Variants in PAX3 observed in about 807,000 individuals in gnomAD.
PAX3 encodes the protein paired box 3, also known as paired box protein Pax-3.
PAX3 carries 14 observed loss-of-function variants against 51.6 expected under a neutral mutation model. That is an observed-to-expected ratio of 0.27 (90% CI 0.18 to 0.42). PAX3 has a LOEUF of 0.42. Ranked by LOEUF, PAX3 falls within the 10% of genes least tolerant of loss-of-function variation. The pLI, the probability that PAX3 is intolerant of heterozygous loss-of-function variation, is 1.00. For synonymous variants in PAX3, 280 were observed against 253.4 expected, an observed-to-expected ratio of 1.11 and a Z score of -1.00; for missense variants, 540 against 642.8, an observed-to-expected ratio of 0.84 and a Z score of 1.73.
intron 5 of PAX3, among the ~76,000 whole-genome samples, chr2:222,224,564 T>C (rs1692314926): frequency 6.6e-6 from 1 of 152,222 alleles, no homozygotes; most frequent in South Asian, 2.1e-4. Context: ...AGACAAATTT[T>C]CTATTTTTAG....
intron 4 of PAX3, among the ~76,000 whole-genome samples, chr2:222,259,817 T>C (rs1185502168): frequency 6.6e-6 from 1 of 152,020 alleles, no homozygotes; most frequent in African/African-American, 2.4e-5. Flanking sequence ...GAGTTTATCA[T>C]CTTGATTCTG....
chr2:222,265,595 G>A (rs1694018399), intron 4 of PAX3, among the ~76,000 whole-genome samples: 1 of 149,310 alleles, frequency 6.7e-6, no homozygotes, highest in African/African-American at 2.5e-5. Context: ...GGAGCTTGCA[G>A]TGAGCCGAGA....
intron 4 of PAX3, among the ~76,000 whole-genome samples, chr2:222,255,917 A>ATTT (rs57757180): frequency 0.29 from 28,672 of 97,994 alleles, 4,418 homozygotes; most frequent in Admixed American, 0.39. Flanking sequence ...CGCCCAGCTA[A>ATTT]TTTTTTTTTT....
chr2:222,267,765 T>C (rs530005726), intron 4 of PAX3, among the ~76,000 whole-genome samples: 7 of 152,320 alleles, frequency 4.6e-5, no homozygotes, highest in South Asian at 2.1e-4. Context: ...TGCTGTACCA[T>C]TAAACGAGGC....
At position 222,285,228 on chromosome 2, in the gene PAX3, A is replaced by C. The variant is rs564126616; in HGVS notation, c.586+8939T>G. Among the ~76,000 whole-genome samples, 85 of 152,380 alleles carry C rather than the reference A, an allele frequency of 5.6e-4. 1 individual carries two copies. The highest frequency in any genetic ancestry group is 7.3e-5 in the Non-Finnish European group (5 of 68,036). ...CACATGCTTTGGCCAAGATTTTCTT[A>C]ATCATCACATTACATTTGAATATTG... On this transcript the variant is annotated intron_variant, in intron 4 of 8. Transcript: ENST00000392070.
chr2:222,227,216 C>T (rs558692968), intron 5 of PAX3, among the ~76,000 whole-genome samples: 1 of 152,226 alleles, frequency 6.6e-6, no homozygotes, highest in South Asian at 2.1e-4. Flanking sequence ...TTTCTGTCTT[C>T]CATTGTCTTC....
intron 4 of PAX3, among the ~76,000 whole-genome samples, chr2:222,277,662 G>A (rs571193271): frequency 6.6e-6 from 1 of 152,078 alleles, no homozygotes. Context: ...TTGGCCGGTC[G>A]CAGTGGCTCA....
At chr2:222,245,307 G>T (rs2106116822) in intron 4 of PAX3, among the ~76,000 whole-genome samples, 1 of 152,320 alleles carries the variant, frequency 6.6e-6, no homozygotes, top group South Asian at 2.1e-4. Context: ...CATTTAGTTT[G>T]ATTTTCATGG....
intron 5 of PAX3, among the ~76,000 whole-genome samples, chr2:222,224,346 G>A (rs1315730548): frequency 6.6e-6 from 1 of 152,106 alleles, no homozygotes; most frequent in Admixed American, 6.5e-5. Context: ...AAATCCAGAG[G>A]GCTATTCCTA....
chr2:222,273,120 AG>A (rs1265942543), intron 4 of PAX3, among the ~76,000 whole-genome samples: 2 of 152,258 alleles, frequency 1.3e-5, no homozygotes, highest in African/African-American at 4.8e-5. Context: ...AGAACAAATC[AG>A]TGTGTGCTTA....
Position 222,282,223 on chromosome 2 carries a change from G to A in PAX3, c.586+11944C>T, listed in dbSNP as rs192007203. On this transcript the variant is annotated intron_variant, in intron 4 of 8. Coordinates refer to ENST00000392070, the MANE Select transcript of PAX3 (RefSeq NM_181458.4). ...GTTTTCTCGGGAGGGTTTTGAGGGG[G>A]TTGTATTTCTCGTATACTTGGAGCA... Among the ~76,000 whole-genome samples, 5 of 152,180 alleles carry A rather than the reference G, an allele frequency of 3.3e-5. No homozygotes were observed. In the East Asian group the frequency reaches 7.7e-4, roughly 23 times the overall value.
chr2:222,248,747 T>G (rs1693316881), intron 4 of PAX3, among the ~76,000 whole-genome samples: 1 of 152,176 alleles, frequency 6.6e-6, no homozygotes, highest in Admixed American at 6.5e-5. Context: ...TTGAGGGAGC[T>G]TGGTTCTTTG....
chr2:222,231,467 CA>C (rs1341396488), intron 5 of PAX3, among the ~76,000 whole-genome samples: 1 of 152,208 alleles, frequency 6.6e-6, no homozygotes. Flanking sequence ...GATAATTCAA[CA>C]TGTTCTTTAA....
At chr2:222,275,440 A>C (rs913344332) in intron 4 of PAX3, among the ~76,000 whole-genome samples, 1 of 84,082 alleles carries the variant, frequency 1.2e-5, no homozygotes, top group Non-Finnish European at 2.4e-5. Context: ...TGTCTAGAAC[A>C]AAAAAAAAAC....
Position 222,280,076 on chromosome 2 carries a change from T to C in PAX3, c.586+14091A>G, listed in dbSNP as rs1313577677. Among the ~76,000 whole-genome samples, 3 of 151,876 alleles carry C rather than the reference T, an allele frequency of 2.0e-5. No individual in the cohort carries two copies. In the East Asian group the frequency reaches 5.8e-4, roughly 29 times the overall value. On this transcript the variant is annotated intron_variant, in intron 4 of 8. Transcript: ENST00000392070. Reference sequence around the variant, plus strand: ...AAATACAAAAATTAGCCAGACGAGGTGGTGCGCGCCTGTAATCCCAGCTAC... The same window carrying C: ...AAATACAAAAATTAGCCAGACGAGGCGGTGCGCGCCTGTAATCCCAGCTAC...
intron 4 of PAX3, among the ~76,000 whole-genome samples, chr2:222,258,861 G>C (rs1184087953): frequency 6.6e-6 from 1 of 152,146 alleles, no homozygotes; most frequent in Non-Finnish European, 1.5e-5. Flanking sequence ...ACAACAAAAA[G>C]TCTCTTATTG....
In PAX3 at chr2:222,293,224, T is replaced by G. The variant is rs373274443; in HGVS notation, c.586+943A>C. Among the ~76,000 whole-genome samples the G allele has an allele frequency of 5.6e-4, 86 of 152,324 alleles. 1 individual carries two copies. The Middle Eastern group carries it at 0.01, about 18-fold the overall frequency. On this transcript the variant is annotated intron_variant, in intron 4 of 8. Transcript: ENST00000392070. The stretch of plus-strand genomic sequence containing the variant: ...ACCCCTGGCCACTCTTGACCATTTG[T>G]GCATTTGAAGAGGGGCAACCACCCC...
In PAX3 at chr2:222,265,616, G is replaced by A. The variant is rs986714009; in HGVS notation, c.586+28551C>T. Among the ~76,000 whole-genome samples, 4 of 128,618 alleles carry A rather than the reference G, an allele frequency of 3.1e-5. No homozygotes were observed. In the Admixed American group the frequency reaches 3.2e-4, roughly 10 times the overall value. 84.4% of individuals were successfully genotyped at this position (128,618 alleles called of 152,430 possible). On this transcript the variant is annotated intron_variant, in intron 4 of 8. Coordinates refer to ENST00000392070, the MANE Select transcript of PAX3 (RefSeq NM_181458.4). ...TGCAGTGAGCCGAGATCACGCCACT[G>A]GGCGACAGAGTGAGACTCCATCAAA...
chr2:222,260,565 GTTTTTTTTTTTTGTTTTTTTTTTTTGT>G (rs1693812117), intron 4 of PAX3, among the ~76,000 whole-genome samples: 29 of 55,860 alleles, frequency 5.2e-4, no homozygotes, highest in African/African-American at 1.8e-3. Flanking sequence ...TTTTTTTTTT[GTTTTTTTTTTTTGTTTTTTTTTTTTGT>G]TTTTTTTTTT....
Sources: gnomAD v4.1 joint callset for allele counts (sites outside exome capture counted in the v4.1 genomes callset) on GRCh38, gnomAD v4.1.1 for gene constraint, MANE v1.5 for transcripts, NCBI Gene and HGNC (gene_info 2026-07-23, HGNC 2026-07-21) for gene names.